The following RTN1 variants were observed in gnomAD, a reference collection of about 807,000 sequenced individuals.
RTN1 encodes the protein reticulon-1.
A neutral mutation model predicts 65.5 loss-of-function variants in RTN1; 25 were observed. The observed-to-expected ratio is 0.38, with a 90% CI of 0.28 to 0.53. RTN1 has a LOEUF of 0.53. Ranked by LOEUF, RTN1 falls within the 20% of genes least tolerant of loss-of-function variation. The pLI is 0.79. For synonymous variants in RTN1, 471 were observed against 447.6 expected (o/e 1.05, Z -0.66); for missense variants, 983 against 1,025.4 (o/e 0.96, Z 0.57).
intron 3 of RTN1, among the ~76,000 whole-genome samples, chr14:59,675,495 A>C (rs1319152096): frequency 6.6e-6 from 1 of 151,604 alleles, no homozygotes; most frequent in Non-Finnish European, 1.5e-5. Flanking sequence ...CTAGATACTG[A>C]ATTATCTAGT....
rs1383003725 is a variant in RTN1, at chr14:59,837,103, A to G, written c.241+33287T>C. On this transcript the variant is annotated intron_variant, in intron 1 of 8. Transcript: ENST00000267484. ...ATATCATCAAGCTACAATAATTAAA[A>G]TAGTATACAATGAGTATAGTACTAA... 3.9e-5 allele frequency among the ~76,000 whole-genome samples: 6 copies of G among 152,274 alleles called. No homozygotes were observed. In the East Asian group the frequency reaches 1.2e-3, roughly 29 times the overall value.
At chr14:59,691,559 G>C (rs1351984181) in intron 3 of RTN1, among the ~76,000 whole-genome samples, 1 of 152,078 alleles carries the variant, frequency 6.6e-6, no homozygotes, top group Non-Finnish European at 1.5e-5. Flanking sequence ...TCGAGGAGGG[G>C]GGACTCCTCC....
chr14:59,707,708 TACAC>T (rs34046826), intron 3 of RTN1, among the ~76,000 whole-genome samples: 9,417 of 145,484 alleles, frequency 0.065, 358 homozygotes, highest in African/African-American at 0.11. Context: ...CTCTCTCTTT[TACAC>T]ACACACACAC....
At chr14:59,831,370 A>G (rs1887121865) in intron 1 of RTN1, among the ~76,000 whole-genome samples, 1 of 152,162 alleles carries the variant, frequency 6.6e-6, no homozygotes, top group Non-Finnish European at 1.5e-5. Context: ...GTAAGAAAGG[A>G]TTTCTTTTGC....
At chr14:59,651,195 G>A (rs1480273342) in intron 3 of RTN1, among the ~76,000 whole-genome samples, 1 of 152,014 alleles carries the variant, frequency 6.6e-6, no homozygotes, top group Non-Finnish European at 1.5e-5. Context: ...GACACATAGA[G>A]CCAATGGAAC....
intron 1 of RTN1, among the ~76,000 whole-genome samples, chr14:59,844,327 T>C (rs970645782): frequency 2.6e-5 from 4 of 151,994 alleles, no homozygotes; most frequent in African/African-American, 9.7e-5. Flanking sequence ...TAGTGGGGAG[T>C]GGGCTTCTGA....
chr14:59,791,991 C>T (rs1326465089), intron 1 of RTN1, among the ~76,000 whole-genome samples: 1 of 152,060 alleles, frequency 6.6e-6, no homozygotes, highest in African/African-American at 2.4e-5. Context: ...TTTGTCTACT[C>T]ACACTCTCCT....
intron 3 of RTN1, among the ~76,000 whole-genome samples, chr14:59,683,875 C>G (rs1437458148): frequency 2.0e-5 from 3 of 152,094 alleles, no homozygotes; most frequent in Non-Finnish European, 2.9e-5. Flanking sequence ...AACGCCAGCT[C>G]TCTTCACTAT....
At position 59,595,990 on chromosome 14, in the gene RTN1, A is replaced by G. The variant is rs1399999796; in HGVS notation, c.*755T>C. ...AAGAGAGGGAGAACATTCTACATTT[A>G]GTAACATTTATTTATGCATTCAGTA... is the stretch of plus-strand genomic sequence containing the variant. On this transcript the variant is annotated 3_prime_UTR_variant, in exon 9 of 9. Coordinates refer to ENST00000267484, the MANE Select transcript of RTN1 (RefSeq NM_021136.3). 5 of 152,650 alleles carry G rather than the reference A, an allele frequency of 3.3e-5. No homozygotes were observed. The highest frequency in any genetic ancestry group is 1.2e-4 in the African/African-American group (5 of 41,460). The allele number at this position is 152,650 out of a possible 1,614,324, so 9.5% of individuals were successfully genotyped here.
At position 59,645,459 on chromosome 14, in the gene RTN1, C is replaced by T. The variant is rs535947076; in HGVS notation, c.1766-37967G>A. On this transcript the variant is annotated intron_variant, in intron 3 of 8. Coordinates refer to ENST00000267484, the MANE Select transcript of RTN1 (RefSeq NM_021136.3). ...TTACATGTTTTCTATATGTTTGTTA[C>T]ATGAGTCCCTGTTCCCGTATCTCCT... is the stretch of plus-strand genomic sequence containing the variant. Among the ~76,000 whole-genome samples, 18 of 149,142 alleles carry T rather than the reference C, an allele frequency of 1.2e-4. 1 individual carries two copies. The South Asian group carries it at 3.7e-3, about 31-fold the overall frequency.
chr14:59,772,097 A>C (rs1885969562), intron 1 of RTN1, among the ~76,000 whole-genome samples: 1 of 152,236 alleles, frequency 6.6e-6, no homozygotes, highest in South Asian at 2.1e-4. Flanking sequence ...TTATATCTGG[A>C]GACTGAGAAT....
intron 3 of RTN1, among the ~76,000 whole-genome samples, chr14:59,611,795 T>C (rs998184144): frequency 1.3e-5 from 2 of 152,144 alleles, no homozygotes; most frequent in Non-Finnish European, 2.9e-5. Context: ...TTGGAGTTCT[T>C]GGTTAGGGAT....
intron 3 of RTN1, among the ~76,000 whole-genome samples, chr14:59,656,139 G>A (rs1197341235): frequency 6.6e-6 from 1 of 152,122 alleles, no homozygotes; most frequent in African/African-American, 2.4e-5. Flanking sequence ...GTTGCATGTT[G>A]TATGATTCCA....
At chr14:59,716,989 A>ACAAACAAACAAAC (rs61547655) in intron 3 of RTN1, among the ~76,000 whole-genome samples, 7 of 146,968 alleles carry the variant, frequency 4.8e-5, no homozygotes, top group African/African-American at 1.3e-4. Context: ...AAACAAACAA[A>ACAAACAAACAAAC]AAAAAAAAAA....
At chr14:59,714,158 C>T (rs904709641) in intron 3 of RTN1, among the ~76,000 whole-genome samples, 3 of 151,800 alleles carry the variant, frequency 2.0e-5, no homozygotes, top group Non-Finnish European at 2.9e-5. Context: ...TTGCTTGAAC[C>T]CAGGAGGCAG....
intron 1 of RTN1, among the ~76,000 whole-genome samples, chr14:59,848,095 A>G (rs12891599): frequency 0.22 from 33,664 of 152,158 alleles, 4,196 homozygotes; most frequent in East Asian, 0.56. Context: ...GAAGGCCTAG[A>G]GTTGAAGAGA....
chr14:59,866,206 T>G (rs1489820619), intron 1 of RTN1, among the ~76,000 whole-genome samples: 1 of 152,182 alleles, frequency 6.6e-6, no homozygotes, highest in Non-Finnish European at 1.5e-5. Flanking sequence ...GACTGACCTG[T>G]GTTTAGCACA....
At chr14:59,638,098 C>G (rs2140189926) in intron 3 of RTN1, among the ~76,000 whole-genome samples, 1 of 152,194 alleles carries the variant, frequency 6.6e-6, no homozygotes, top group East Asian at 1.9e-4. Context: ...GTGATCCGCC[C>G]CCTTCAGTCT....
intron 3 of RTN1, among the ~76,000 whole-genome samples, chr14:59,648,202 T>C (rs1594652352): frequency 1.3e-5 from 2 of 152,166 alleles, no homozygotes; most frequent in Middle Eastern, 3.4e-3. Flanking sequence ...AAGAGATAAA[T>C]AAATTCCTGG....
Sources: gnomAD v4.1 joint callset for allele counts (sites outside exome capture counted in the v4.1 genomes callset) on GRCh38, gnomAD v4.1.1 for gene constraint, MANE v1.5 for transcripts, NCBI Gene and HGNC (gene_info 2026-07-23, HGNC 2026-07-21) for gene names.